NWD2: variants seen among roughly 807,000 people sequenced by gnomAD.
NWD2 encodes the protein NACHT and WD repeat domain-containing protein 2.
In NWD2, 37 loss-of-function variants were observed where a neutral mutation model predicts 132.7. That is an observed-to-expected ratio of 0.28 (90% CI 0.21 to 0.37). The LOEUF is 0.37. Among genes scored for constraint, NWD2 ranks in the 10% least tolerant of loss-of-function variants. NWD2 has a pLI of 1.00. For synonymous variants in NWD2, 705 were observed against 803.0 expected, an observed-to-expected ratio of 0.88 and a Z score of 2.06; for missense variants, 1,592 against 2,122.4, an observed-to-expected ratio of 0.75 and a Z score of 4.91.
At chr4:37,309,032 G>C (rs917834325) in intron 1 of NWD2, among the ~76,000 whole-genome samples, 1 of 152,212 alleles carries the variant, frequency 6.6e-6, no homozygotes, top group Non-Finnish European at 1.5e-5. Flanking sequence ...TTGCATGAGA[G>C]AGCACAGGAG....
chr4:37,446,153 G>A lies in NWD2; in HGVS notation c.4165G>A (p.Gly1389Ser). 3.2e-6 allele frequency: 5 copies of A among 1,551,718 alleles called. No homozygotes were observed. The highest frequency in any genetic ancestry group is 4.4e-6 in the Non-Finnish European group (5 of 1,147,006). Residue 1389 changes from glycine to serine, a missense_variant, in exon 7 of 7, where the codon GGT (glycine) becomes AGT (serine). Gly to Ser is a moderately conservative substitution (Grantham distance 56). Around this residue, in one of 7 missense-constraint regions of NWD2, gnomAD observed 1,071 missense variants for 1,398.0 expected, o/e 0.77. Coordinates refer to ENST00000309447, the MANE Select transcript of NWD2 (RefSeq NM_001144990.2). The surrounding 1 kb of genome is among the most constrained non-coding windows in gnomAD (Gnocchi z 6.7). The stretch of plus-strand genomic sequence containing the variant: ...CCAGTATGTCTGGCACACCAGCAGT[G>A]GTGAAAACCTTTTTCGAATTAACGG... The part of the protein sequence containing the change: ...SSQYVWHTSS[G>S]ENLFRINGQR...
intron 1 of NWD2, among the ~76,000 whole-genome samples, chr4:37,266,178 G>C (rs1026509541): frequency 1.3e-5 from 2 of 152,024 alleles, no homozygotes; most frequent in African/African-American, 4.8e-5. Flanking sequence ...TAATATTTCT[G>C]ATTTTCCCAA....
intron 3 of NWD2, among the ~76,000 whole-genome samples, chr4:37,413,685 G>A (rs181578162): frequency 1.1e-4 from 16 of 152,138 alleles, no homozygotes; most frequent in South Asian, 1.0e-3. Context: ...TGTTTATTGC[G>A]GTGTGGTTCA....
chr4:37,332,339 C>A (rs1719311765), intron 2 of NWD2, among the ~76,000 whole-genome samples: 1 of 152,042 alleles, frequency 6.6e-6, no homozygotes, highest in South Asian at 2.1e-4. Flanking sequence ...ACTTGGACAC[C>A]AGCTCAGCCA....
chr4:37,423,549 C>T (rs985267726), intron 3 of NWD2, among the ~76,000 whole-genome samples: 3 of 152,082 alleles, frequency 2.0e-5, no homozygotes, highest in Admixed American at 1.3e-4. Flanking sequence ...GGTCCAAGAG[C>T]GGAAGATCAA....
At chr4:37,303,124 T>C (rs540943389) in intron 1 of NWD2, among the ~76,000 whole-genome samples, 1 of 152,324 alleles carries the variant, frequency 6.6e-6, no homozygotes, top group Non-Finnish European at 1.5e-5. Flanking sequence ...GATTTTTGTA[T>C]ATAGTGAGAG....
chr4:37,270,396 A>G (rs1412465093), intron 1 of NWD2, among the ~76,000 whole-genome samples: 1 of 151,850 alleles, frequency 6.6e-6, no homozygotes, highest in Non-Finnish European at 1.5e-5. Flanking sequence ...CGAAAAAAGC[A>G]TTTATACTGT....
intron 3 of NWD2, among the ~76,000 whole-genome samples, chr4:37,409,398 G>A (rs1453134571): frequency 6.6e-6 from 1 of 151,718 alleles, no homozygotes; most frequent in Non-Finnish European, 1.5e-5. Flanking sequence ...TCAAGCAGAA[G>A]AAAGGATATC....
intron 3 of NWD2, among the ~76,000 whole-genome samples, chr4:37,407,569 G>C (rs1412508989): frequency 6.6e-6 from 1 of 152,196 alleles, no homozygotes; most frequent in African/African-American, 2.4e-5. Context: ...ACGTGAGAGG[G>C]AGTGGGGATA....
At chr4:37,377,317 T>C (rs767435152) in intron 3 of NWD2, among the ~76,000 whole-genome samples, 4 of 152,252 alleles carry the variant, frequency 2.6e-5, no homozygotes, top group Non-Finnish European at 5.9e-5. Context: ...TTTGAAAATA[T>C]AACTCAATGT....
Position 37,449,081 on chromosome 4 carries a change from G to T in NWD2, c.*1864G>T, listed in dbSNP as rs1712717773. ...AGATCACCTGGAGTTGATTATATGA[G>T]TCTATGCTTTTGAGCTCTTTAGGCA... On this transcript the variant is annotated 3_prime_UTR_variant, in exon 7 of 7. Coordinates refer to ENST00000309447, the MANE Select transcript of NWD2 (RefSeq NM_001144990.2). The T allele has an allele frequency of 6.6e-6, 1 of 152,216 alleles. No homozygotes were observed. Among genetic ancestry groups the T allele is most frequent in the Non-Finnish European group, 1.5e-5 (1 of 68,038 alleles). The allele number at this position is 152,216 out of a possible 1,614,324, so 9.4% of individuals were successfully genotyped here. A position where few individuals can be genotyped will look rare whatever the true frequency, so the allele number is the denominator to read the frequency against.
chr4:37,281,190 A>AT, intron 1 of NWD2, among the ~76,000 whole-genome samples: 1 of 152,260 alleles, frequency 6.6e-6, no homozygotes, highest in Non-Finnish European at 1.5e-5. Flanking sequence ...ATACATGTCA[A>AT]TTGCAGGACT....
chr4:37,310,638 T>A (rs73240365), intron 1 of NWD2, among the ~76,000 whole-genome samples: 23,464 of 151,912 alleles, frequency 0.15, 2,338 homozygotes, highest in South Asian at 0.33. Flanking sequence ...ATTTTTTTTT[T>A]AATTATTATT....
At chr4:37,310,594 C>T (rs1718817576) in intron 1 of NWD2, among the ~76,000 whole-genome samples, 1 of 151,336 alleles carries the variant, frequency 6.6e-6, no homozygotes, top group Admixed American at 6.6e-5. Context: ...AAAACATTTG[C>T]CTAATATCTT....
In NWD2 at chr4:37,337,481, G is replaced by A. The variant is rs946291473; in HGVS notation, c.240+11457G>A. On this transcript the variant is annotated intron_variant, in intron 2 of 6. Coordinates refer to ENST00000309447, the MANE Select transcript of NWD2 (RefSeq NM_001144990.2). ...CAGCTCACCCTAGCAGGAAGATCTT[G>A]CCCGCAACTACTTTCTGTCTCAGGA... is the stretch of plus-strand genomic sequence containing the variant. Among the ~76,000 whole-genome samples the A allele has an allele frequency of 2.0e-5, 3 of 152,152 alleles. No homozygotes were observed. In the East Asian group the frequency reaches 5.8e-4, roughly 29 times the overall value.
At position 37,445,155 on chromosome 4, in the gene NWD2, G is replaced by A. The variant is rs1712598094; in HGVS notation, c.3167G>A (p.Ser1056Asn). 6.4e-7 allele frequency: 1 copy of A among 1,552,058 alleles called. No individual in the cohort carries two copies. The highest frequency in any genetic ancestry group is 8.7e-7 in the Non-Finnish European group (1 of 1,147,082). The change falls in exon 7 of 7, where the codon AGC (serine) becomes AAC (asparagine). Residue 1056 changes from serine (S) to asparagine (N), a missense_variant. Ser to Asn is a conservative substitution (Grantham distance 46). Around this residue, in one of 7 missense-constraint regions of NWD2, gnomAD observed 1,071 missense variants for 1,398.0 expected, o/e 0.77. Transcript: ENST00000309447. This position sits in a 1 kb window ranked among gnomAD's most constrained non-coding sequence, Gnocchi z 4.7. ...GAAATCAAGGGGACCAAGCATGGAAGCAGCGCCACCTACATCAATGGATTT... is the reference window on the plus strand; with the variant it reads ...GAAATCAAGGGGACCAAGCATGGAAACAGCGCCACCTACATCAATGGATTT... ...EVEIKGTKHG[S>N]SATYINGFTL...
intron 3 of NWD2, among the ~76,000 whole-genome samples, chr4:37,379,240 T>A (rs181112856): frequency 6.6e-6 from 1 of 152,332 alleles, no homozygotes; most frequent in African/African-American, 2.4e-5. Context: ...TCAGAGCCAA[T>A]GTAGTCGGTC....
chr4:37,393,631 A>G (rs1189336292), intron 3 of NWD2, among the ~76,000 whole-genome samples: 2 of 152,318 alleles, frequency 1.3e-5, no homozygotes, highest in East Asian at 3.9e-4. Context: ...CTTTCCAAAT[A>G]CATTGAAAAG....
intron 1 of NWD2, among the ~76,000 whole-genome samples, chr4:37,298,237 G>A (rs1718539097): frequency 6.6e-6 from 1 of 152,144 alleles, no homozygotes; most frequent in African/African-American, 2.4e-5. Context: ...TGATAAGGCA[G>A]CAGCAATCAC....
Sources: gnomAD v4.1 joint callset for allele counts (sites outside exome capture counted in the v4.1 genomes callset) on GRCh38, gnomAD v4.1.1 for gene constraint, gnomAD v4.1.1 regional missense constraint, Gnocchi (gnomAD v3.1) non-coding constraint, MANE v1.5 for transcripts, NCBI Gene and HGNC (gene_info 2026-07-23, HGNC 2026-07-21) for gene names.